Variants in DNAH5 observed in about 807,000 individuals in gnomAD.
DNAH5 encodes dynein axonemal heavy chain 5.
In DNAH5, 372 loss-of-function variants were observed where a neutral mutation model predicts 518.2. The observed-to-expected ratio is 0.72, with a 90% CI of 0.66 to 0.78. The LOEUF (loss-of-function observed/expected upper bound fraction) is 0.78, where lower values mean the gene tolerates loss of function less well. Ranked by LOEUF, DNAH5 falls within the 30% of genes least tolerant of loss-of-function variation. DNAH5 has a pLI of 0.00. For synonymous variants in DNAH5, 2,039 were observed against 2,025.9 expected (o/e 1.01, Z -0.17); for missense variants, 5,523 against 5,687.0 (o/e 0.97, Z 0.93).
intron 35 of DNAH5, among the ~76,000 whole-genome samples, chr5:13,838,928 T>C (rs1764785464): frequency 6.6e-6 from 1 of 151,852 alleles, no homozygotes; most frequent in African/African-American, 2.4e-5. Context: ...CTGGAGGCCT[T>C]TCCAGTGCCC....
At chr5:13,836,765 A>T (rs1185378079) in intron 35 of DNAH5, among the ~76,000 whole-genome samples, 1 of 152,198 alleles carries the variant, frequency 6.6e-6, no homozygotes, top group Admixed American at 6.5e-5. Flanking sequence ...AATGTTAAGG[A>T]CCTTGAGAAG....
At chr5:13,913,362 T>C (rs1776250374) in intron 11 of DNAH5, among the ~76,000 whole-genome samples, 2 of 152,056 alleles carry the variant, frequency 1.3e-5, no homozygotes, top group Non-Finnish European at 2.9e-5. Flanking sequence ...GCAGAGATAA[T>C]TGAGTGCCAC....
In DNAH5 at chr5:13,809,124, C is replaced by G; in HGVS notation, c.7672G>C (p.Glu2558Gln). The G allele has an allele frequency of 6.2e-7, 1 of 1,614,194 alleles. No homozygotes were observed. The highest frequency in any genetic ancestry group is 8.5e-7 in the Non-Finnish European group (1 of 1,180,044). The change falls in exon 46 of 79, where the codon GAG (glutamate) becomes CAG (glutamine). Residue 2558 changes from glutamate (E) to glutamine (Q), a missense_variant. Coordinates refer to ENST00000265104, the MANE Select transcript of DNAH5 (RefSeq NM_001369.3). Reference sequence around the variant, plus strand: ...TTTGGCACCAGAATAGAACCATACTCTGGGGTGGTATCAGACGGATACAGG... The same window carrying G: ...TTTGGCACCAGAATAGAACCATACTGTGGGGTGGTATCAGACGGATACAGG... ...EYLYPSDTTP[E>Q]YGSILVPNVD...
intron 1 of DNAH5, among the ~76,000 whole-genome samples, chr5:14,010,820 A>G (rs1011280915): frequency 1.3e-5 from 2 of 152,196 alleles, no homozygotes; most frequent in Non-Finnish European, 2.9e-5. Context: ...TTCAACAAGT[A>G]TAAATTTATA....
intron 1 of DNAH5, among the ~76,000 whole-genome samples, chr5:13,977,990 C>T (rs752566483): frequency 6.6e-6 from 1 of 152,164 alleles, no homozygotes; most frequent in Non-Finnish European, 1.5e-5. Flanking sequence ...TGGGAAAAGG[C>T]TGTGTATATA....
Position 13,866,292 on chromosome 5 carries a change from A to T in DNAH5, c.4054-10T>A. The T allele has an allele frequency of 6.2e-7, 1 of 1,611,364 alleles. No individual in the cohort carries two copies. The highest frequency in any genetic ancestry group is 8.5e-7 in the Non-Finnish European group (1 of 1,178,786). On this transcript the variant is annotated splice_polypyrimidine_tract_variant and intron_variant, in intron 25 of 78. Transcript: ENST00000265104. ...TAGCCATTGGACCATTCTGAACAAA[A>T]AGTAAAAAAAGAAAAATAGAAGGAA...
intron 1 of DNAH5, among the ~76,000 whole-genome samples, chr5:13,986,925 G>C (rs746240215): frequency 6.6e-5 from 10 of 152,206 alleles, no homozygotes; most frequent in Non-Finnish European, 1.3e-4. Flanking sequence ...GGGATTCCCT[G>C]TTCCACAAGA....
chr5:13,705,163 T>C (rs990443818), intron 76 of DNAH5, among the ~76,000 whole-genome samples: 5 of 152,046 alleles, frequency 3.3e-5, no homozygotes, highest in African/African-American at 4.8e-5. Flanking sequence ...AGCTAATTTT[T>C]TGTAGTTTTT....
At chr5:13,755,096 C>A (rs1020284718) in intron 61 of DNAH5, among the ~76,000 whole-genome samples, 2 of 151,936 alleles carry the variant, frequency 1.3e-5, no homozygotes, top group Non-Finnish European at 2.9e-5. Context: ...GAGCCAAGAT[C>A]GTGCCACTCA....
chr5:13,752,394 A>T lies in DNAH5; in HGVS notation c.10873-105T>A, dbSNP rs1580062300. The T allele has an allele frequency of 4.5e-6, 6 of 1,332,234 alleles. No homozygotes were observed. In the Admixed American group the frequency reaches 1.0e-4, roughly 23 times the overall value. 82.5% of individuals were successfully genotyped at this position (1,332,234 alleles called of 1,614,324 possible). A position where few individuals can be genotyped will look rare whatever the true frequency, so the allele number is the denominator to read the frequency against. ...CCTAAAGCATTCTACTGCAAGAGACAAATACAAATTGAGCATCCAAAATGT... is the reference window on the plus strand; with the variant it reads ...CCTAAAGCATTCTACTGCAAGAGACTAATACAAATTGAGCATCCAAAATGT... On this transcript the variant is annotated intron_variant, in intron 63 of 78. Transcript: ENST00000265104.
chr5:13,692,999 G>C (rs954987490), intron 78 of DNAH5, among the ~76,000 whole-genome samples: 3 of 152,140 alleles, frequency 2.0e-5, no homozygotes, highest in Non-Finnish European at 2.9e-5. Context: ...AGCAGCCTGG[G>C]AGTTTAAGCC....
At chr5:13,859,140 C>G (rs1414546040) in intron 30 of DNAH5, among the ~76,000 whole-genome samples, 1 of 152,154 alleles carries the variant, frequency 6.6e-6, no homozygotes, top group Non-Finnish European at 1.5e-5. Context: ...TAATTCTACA[C>G]TGTTCCAAAT....
At chr5:13,837,342 C>G (rs1363056846) in intron 35 of DNAH5, among the ~76,000 whole-genome samples, 2 of 152,144 alleles carry the variant, frequency 1.3e-5, no homozygotes, top group Admixed American at 6.6e-5. Context: ...CCAGGACAAT[C>G]ACGGTAGGGT....
At chr5:13,913,258 G>A (rs2896117) in intron 11 of DNAH5, among the ~76,000 whole-genome samples, 66,223 of 151,716 alleles carry the variant, frequency 0.44, 15,226 homozygotes, top group East Asian at 0.85. Flanking sequence ...ACAAGATAAA[G>A]CAGTTAAAAA....
intron 35 of DNAH5, among the ~76,000 whole-genome samples, chr5:13,831,510 A>G (rs779214792): frequency 2.2e-4 from 33 of 152,126 alleles, no homozygotes; most frequent in Non-Finnish European, 3.8e-4. Flanking sequence ...TAAAGCATTC[A>G]TCCGGACTTG....
In DNAH5 at chr5:13,690,780, G is replaced by A. The variant is rs1421954436; in HGVS notation, c.*1204C>T. The A allele has an allele frequency of 6.6e-6, 1 of 152,138 alleles. No homozygotes were observed. Among genetic ancestry groups the A allele is most frequent in the Non-Finnish European group, 1.5e-5 (1 of 68,032 alleles). The allele number at this position is 152,138 out of a possible 1,614,324, so 9.4% of individuals were successfully genotyped here. On this transcript the variant is annotated 3_prime_UTR_variant, in exon 79 of 79. Coordinates refer to ENST00000265104, the MANE Select transcript of DNAH5 (RefSeq NM_001369.3). The stretch of plus-strand genomic sequence containing the variant: ...AGAAAAATACGTGAAAAGTTCCTTT[G>A]ATAATGTTTCCTAATTAATAAAAGT...
At chr5:13,923,674 G>A in intron 3 of DNAH5, among the ~76,000 whole-genome samples, 1 of 152,208 alleles carries the variant, frequency 6.6e-6, no homozygotes, top group Admixed American at 6.5e-5. Flanking sequence ...AGTGAAAAGA[G>A]GGAAGGAGGA....
rs772584346 is a variant in DNAH5, at chr5:13,754,375, A to G, written c.10420-37T>C. The G allele has an allele frequency of 1.4e-5, 22 of 1,613,488 alleles. No homozygotes were observed. The South Asian group carries it at 2.3e-4, about 17-fold the overall frequency. ...CATAATCACAAGAAAGCTTTTACTG[A>G]AATAAACATAGCCACTGGCTCAAAA... On this transcript the variant is annotated intron_variant, in intron 61 of 78. Coordinates refer to ENST00000265104, the MANE Select transcript of DNAH5 (RefSeq NM_001369.3).
intron 23 of DNAH5, 97 bp downstream of exon 23, chr5:13,871,467 T>C (rs968806777): frequency 8.8e-7 from 1 of 1,137,080 alleles, no homozygotes; most frequent in Admixed American, 2.1e-5. Flanking sequence ...AAAGTCAATC[T>C]TTAAGACAGG....
Sources: allele counts gnomAD v4.1 joint callset (sites outside exome capture counted in the v4.1 genomes callset), GRCh38; gene constraint gnomAD v4.1.1; transcripts MANE v1.5; gene names NCBI Gene and HGNC (gene_info 2026-07-23, HGNC 2026-07-21).